Variants in NEK7 observed in about 807,000 individuals in gnomAD.
The protein encoded by NEK7 is NIMA related kinase 7.
NEK7 carries 18 observed loss-of-function variants against 44.6 expected under a neutral mutation model. That is an observed-to-expected ratio of 0.40 (90% CI 0.28 to 0.60). NEK7 has a LOEUF of 0.60. Among genes scored for constraint, NEK7 ranks in the 20% least tolerant of loss-of-function variants. The probability of loss-of-function intolerance (pLI) is 0.38; values close to 1 mark genes in which losing one functional copy is unlikely to be tolerated. For missense variants in NEK7, 256 were observed against 366.5 expected, an observed-to-expected ratio of 0.70 and a Z score of 2.46; for synonymous variants, 130 against 121.1, an observed-to-expected ratio of 1.07 and a Z score of -0.48.
intron 9 of NEK7, among the ~76,000 whole-genome samples, chr1:198,298,895 G>GGTTC (rs1258780045): frequency 1.3e-5 from 2 of 152,226 alleles, no homozygotes; most frequent in Admixed American, 1.3e-4. Context: ...TACCACTAGT[G>GGTTC]GTTCGTTGAA....
chr1:198,317,321 C>G (rs560042699), intron 9 of NEK7, among the ~76,000 whole-genome samples: 51 of 152,338 alleles, frequency 3.3e-4, no homozygotes, highest in African/African-American at 1.2e-3. Context: ...CCTGTCATCC[C>G]TTTGAAAGGC....
chr1:198,244,815 A>G (rs1159760005), intron 2 of NEK7, among the ~76,000 whole-genome samples: 1 of 148,708 alleles, frequency 6.7e-6, no homozygotes, highest in African/African-American at 2.5e-5. Context: ...TAAAAAGCTG[A>G]AAAAAAAAAC....
At chr1:198,275,670 G>T (rs1440854412) in intron 5 of NEK7, among the ~76,000 whole-genome samples, 1 of 150,644 alleles carries the variant, frequency 6.6e-6, no homozygotes, top group Non-Finnish European at 1.5e-5. Context: ...TAAATTCTTT[G>T]GCTTTATGGA....
At position 198,256,321 on chromosome 1, in the gene NEK7, C is replaced by A. The variant is rs764399821; in HGVS notation, c.198+3141C>A. ...GGATGTGTTCAGCTCTGGCCATTTT[C>A]CTGCAGGTTTGCCTGTTACCTGTAT... On this transcript the variant is annotated intron_variant, in intron 3 of 9. Transcript: ENST00000367385. 5 of 1,598,480 alleles carry A rather than the reference C, an allele frequency of 3.1e-6. No individual in the cohort carries two copies. In the East Asian group the frequency reaches 9.0e-5, roughly 29 times the overall value.
At chr1:198,180,201 G>A (rs990613950) in intron 1 of NEK7, among the ~76,000 whole-genome samples, 1 of 151,318 alleles carries the variant, frequency 6.6e-6, no homozygotes, top group Non-Finnish European at 1.5e-5. Flanking sequence ...TTTTTGGTGG[G>A]GGGGTGCTTC....
chr1:198,235,665 AGAT>A (rs1456091682), intron 2 of NEK7, among the ~76,000 whole-genome samples: 1 of 152,198 alleles, frequency 6.6e-6, no homozygotes, highest in Non-Finnish European at 1.5e-5. Flanking sequence ...TATTGGGTGA[AGAT>A]GGCTATGGTA....
intron 1 of NEK7, among the ~76,000 whole-genome samples, chr1:198,184,166 C>T (rs1195528335): frequency 6.6e-6 from 1 of 152,090 alleles, no homozygotes. Flanking sequence ...TTTTTCACAC[C>T]ATATTAGCTA....
In NEK7 at chr1:198,250,390, A is replaced by G. The variant is rs1013150399; in HGVS notation, c.58-2650A>G. Among the ~76,000 whole-genome samples the G allele has an allele frequency of 1.4e-4, 21 of 152,234 alleles. No homozygotes were observed. The South Asian group carries it at 1.5e-3, about 11-fold the overall frequency. ...TCTTTTTTGGTTCCATATGAACTTT[A>G]AAGCAGTTTTTTCCAATTCTGTGAA... On this transcript the variant is annotated intron_variant, in intron 2 of 9. Coordinates refer to ENST00000367385, the MANE Select transcript of NEK7 (RefSeq NM_133494.3).
At chr1:198,224,657 T>C (rs2102852902) in intron 1 of NEK7, among the ~76,000 whole-genome samples, 1 of 152,118 alleles carries the variant, frequency 6.6e-6, no homozygotes, top group South Asian at 2.1e-4. Context: ...ATTTTATATA[T>C]ATATATAAAA....
intron 5 of NEK7, among the ~76,000 whole-genome samples, chr1:198,265,781 A>T (rs1653633222): frequency 6.6e-6 from 1 of 152,128 alleles, no homozygotes; most frequent in Admixed American, 6.6e-5. Flanking sequence ...CTGGGCAGGT[A>T]GGAAAGATTG....
At position 198,217,234 on chromosome 1, in the gene NEK7, G is replaced by C. The variant is rs141310276; in HGVS notation, c.-28-15319G>C. On this transcript the variant is annotated intron_variant, in intron 1 of 9. Coordinates refer to ENST00000367385, the MANE Select transcript of NEK7 (RefSeq NM_133494.3). ...GTTAGCAAACCAAACTCAACAGCAC[G>C]TCAAAAGAAATAAAAATTCACCATG... Among the ~76,000 whole-genome samples the C allele has an allele frequency of 4.6e-5, 7 of 152,010 alleles. No homozygotes were observed. In the South Asian group the frequency reaches 1.2e-3, roughly 27 times the overall value.
At chr1:198,182,035 C>T (rs16842527) in intron 1 of NEK7, among the ~76,000 whole-genome samples, 1 of 151,444 alleles carries the variant, frequency 6.6e-6, no homozygotes, top group African/African-American at 2.4e-5. Context: ...TTCAAATATG[C>T]GTAGATATTT....
At chr1:198,313,578 C>T (rs999131995) in intron 9 of NEK7, among the ~76,000 whole-genome samples, 3 of 135,604 alleles carry the variant, frequency 2.2e-5, no homozygotes, top group African/African-American at 9.1e-5. Context: ...TGGCTGGTAC[C>T]GGTTGTTCCT....
chr1:198,256,365 C>T (rs746728635), intron 3 of NEK7: 24 of 1,611,318 alleles, frequency 1.5e-5, no homozygotes, highest in South Asian at 3.3e-5. Flanking sequence ...AGAGTGTGTG[C>T]GCTAAATGCA....
At chr1:198,209,542 CT>C (rs1209343299) in intron 1 of NEK7, among the ~76,000 whole-genome samples, 5 of 152,044 alleles carry the variant, frequency 3.3e-5, no homozygotes. Context: ...GAATAATATC[CT>C]TTGAGTACGT....
chr1:198,219,599 G>A (rs1192444385), intron 1 of NEK7, among the ~76,000 whole-genome samples: 1 of 151,616 alleles, frequency 6.6e-6, no homozygotes, highest in Non-Finnish European at 1.5e-5. Context: ...CTACTTTTTG[G>A]GTACAGTATA....
chr1:198,253,223 A>G (rs1314379978), intron 3 of NEK7, 43 bp downstream of exon 3: 9 of 1,321,800 alleles, frequency 6.8e-6, no homozygotes, highest in African/African-American at 1.5e-5. Flanking sequence ...AAATTATACT[A>G]TGTGAATTAT....
intron 7 of NEK7, among the ~76,000 whole-genome samples, chr1:198,284,932 T>C (rs1231686074): frequency 6.6e-6 from 1 of 152,136 alleles, no homozygotes; most frequent in Non-Finnish European, 1.5e-5. Flanking sequence ...TAAAAATTTC[T>C]GAGCATTTTA....
intron 1 of NEK7, among the ~76,000 whole-genome samples, chr1:198,162,075 A>G (rs138788222): frequency 3.3e-4 from 50 of 152,252 alleles, no homozygotes; most frequent in African/African-American, 1.2e-3. Flanking sequence ...CAGTCAAGGT[A>G]TGTTTGGCCT....
Sources: gnomAD v4.1 joint callset for allele counts (sites outside exome capture counted in the v4.1 genomes callset) on GRCh38, gnomAD v4.1.1 for gene constraint, MANE v1.5 for transcripts, NCBI Gene and HGNC (gene_info 2026-07-23, HGNC 2026-07-21) for gene names.